Variants in PRKG1 observed in about 807,000 individuals in gnomAD.
PRKG1 encodes cGMP-dependent protein kinase 1.
Under a neutral mutation model 88.1 loss-of-function variants are expected in PRKG1, and 35 were observed. The observed-to-expected ratio is 0.40, with a 90% CI of 0.30 to 0.53. The LOEUF is 0.53. PRKG1 is among the 20% of genes least tolerant of loss of function. The pLI is 0.59. For missense variants in PRKG1, 540 were observed against 839.8 expected (o/e 0.64, Z 4.41); for synonymous variants, 303 against 292.5 (o/e 1.04, Z -0.37).
At chr10:52,196,206 C>A (rs766400975) in intron 9 of PRKG1, among the ~76,000 whole-genome samples, 4 of 151,872 alleles carry the variant, frequency 2.6e-5, no homozygotes, top group Admixed American at 6.6e-5. Context: ...TTAGTAGAGA[C>A]GGGGTTTCAC....
intron 3 of PRKG1, among the ~76,000 whole-genome samples, chr10:51,610,327 A>G (rs1838874302): frequency 1.3e-5 from 2 of 152,070 alleles, no homozygotes; most frequent in Admixed American, 1.3e-4. Context: ...CCATCATTCC[A>G]CTCACTACCT....
intron 6 of PRKG1, among the ~76,000 whole-genome samples, chr10:52,056,752 TATTA>T (rs966763106): frequency 2.0e-5 from 3 of 152,072 alleles, no homozygotes; most frequent in Admixed American, 2.0e-4. Context: ...ATAATAATTG[TATTA>T]ATTTTATTCA....
chr10:52,000,931 G>A (rs1844577878), intron 5 of PRKG1, among the ~76,000 whole-genome samples: 1 of 151,922 alleles, frequency 6.6e-6, no homozygotes, highest in Non-Finnish European at 1.5e-5. Flanking sequence ...TGAAATTTGA[G>A]CAACTCAAAA....
intron 2 of PRKG1, among the ~76,000 whole-genome samples, chr10:51,292,030 CT>C (rs932975813): frequency 1.3e-5 from 2 of 152,022 alleles, no homozygotes; most frequent in African/African-American, 4.8e-5. Flanking sequence ...GAGTCGATCT[CT>C]TTTTTTAGGG....
At chr10:51,104,598 C>T (rs1844773971) in intron 1 of PRKG1, among the ~76,000 whole-genome samples, 1 of 152,124 alleles carries the variant, frequency 6.6e-6, no homozygotes, top group Non-Finnish European at 1.5e-5. Flanking sequence ...CTGCTCACTG[C>T]CACCTCCACC....
chr10:51,306,278 T>G (rs1841034711), intron 2 of PRKG1, among the ~76,000 whole-genome samples: 1 of 152,186 alleles, frequency 6.6e-6, no homozygotes, highest in African/African-American at 2.4e-5. Context: ...ATTTGGGGCT[T>G]CTTTTTGAAA....
intron 2 of PRKG1, chr10:51,302,595 A>G (rs1260701094): frequency 1.3e-5 from 2 of 150,270 alleles, no homozygotes; most frequent in Non-Finnish European, 2.9e-5. Context: ...TATAACTGCT[A>G]CCAAAACCAG....
chr10:51,108,325 TG>T (rs1341268973), intron 1 of PRKG1, among the ~76,000 whole-genome samples: 1 of 151,550 alleles, frequency 6.6e-6, no homozygotes, highest in Non-Finnish European at 1.5e-5. Context: ...AGATGCTTCA[TG>T]AACATAAAAT....
chr10:51,548,909 C>T (rs1465696075), intron 3 of PRKG1, among the ~76,000 whole-genome samples: 1 of 151,880 alleles, frequency 6.6e-6, no homozygotes, highest in Non-Finnish European at 1.5e-5. Flanking sequence ...AACACCTTCC[C>T]AAAATGTTCA....
Position 51,907,583 on chromosome 10 carries a change from A to T in PRKG1, c.762+13A>T, listed in dbSNP as rs775473387. 1 of 1,610,794 alleles carries T rather than the reference A, an allele frequency of 6.2e-7. No individual in the cohort carries two copies. Among genetic ancestry groups the T allele is most frequent in the Admixed American group, 1.7e-5 (1 of 59,958 alleles). ...TGTCCTTGAAGAGGTAATTGTTTTT[A>T]GCCTTTGAACTTTTTGAGATGGGAT... On this transcript the variant is annotated intron_variant, in intron 5 of 17. Transcript: ENST00000373980.
intron 5 of PRKG1, among the ~76,000 whole-genome samples, chr10:51,930,264 A>G (rs1419338619): frequency 6.6e-6 from 1 of 152,128 alleles, no homozygotes; most frequent in African/African-American, 2.4e-5. Context: ...TGTTTAATCA[A>G]TAGAGAGTTT....
chr10:52,113,747 CTTAA>C (rs1378544496), intron 7 of PRKG1, among the ~76,000 whole-genome samples: 1 of 152,030 alleles, frequency 6.6e-6, no homozygotes, highest in Non-Finnish European at 1.5e-5. Flanking sequence ...CACTAGGTAC[CTTAA>C]TTAAGATTAT....
At chr10:51,310,178 G>T (rs2132487287) in intron 2 of PRKG1, among the ~76,000 whole-genome samples, 1 of 152,072 alleles carries the variant, frequency 6.6e-6, no homozygotes, top group African/African-American at 2.4e-5. Context: ...ACTCTATAAG[G>T]CCAGACTTCA....
chr10:51,419,481 T>C (rs1033723805), intron 2 of PRKG1, among the ~76,000 whole-genome samples: 2 of 152,028 alleles, frequency 1.3e-5, no homozygotes, highest in African/African-American at 2.4e-5. Context: ...CTGGATGGGA[T>C]TGGGGCTAAT....
At chr10:51,115,384 T>TATATATATATATATATATATATATAA (rs1564606010) in intron 1 of PRKG1, among the ~76,000 whole-genome samples, 2 of 80,814 alleles carry the variant, frequency 2.5e-5, no homozygotes, top group African/African-American at 7.2e-5. Flanking sequence ...TATATATATA[T>TATATATATATATATATATATATATAA]AAAACAAATG....
chr10:52,031,028 A>G (rs1440383773), intron 5 of PRKG1, among the ~76,000 whole-genome samples: 3 of 152,184 alleles, frequency 2.0e-5, no homozygotes, highest in Non-Finnish European at 4.4e-5. Context: ...AGGTGATGTC[A>G]CTAACTCAGA....
chr10:51,968,022 G>C (rs1306404112), intron 5 of PRKG1, among the ~76,000 whole-genome samples: 1 of 152,176 alleles, frequency 6.6e-6, no homozygotes, highest in Non-Finnish European at 1.5e-5. Flanking sequence ...TAGAGCTTAA[G>C]ACAGTGTTTA....
intron 4 of PRKG1, among the ~76,000 whole-genome samples, chr10:51,862,955 A>G (rs1029730042): frequency 6.6e-6 from 1 of 152,226 alleles, no homozygotes; most frequent in African/African-American, 2.4e-5. Context: ...TATTACTGAT[A>G]GCACATAAAT....
chr10:51,308,651 T>C (rs1261638834), intron 2 of PRKG1, among the ~76,000 whole-genome samples: 1 of 152,178 alleles, frequency 6.6e-6, no homozygotes, highest in Non-Finnish European at 1.5e-5. Flanking sequence ...ATGTGAGATA[T>C]TTTATCAGAA....
Sources: allele counts gnomAD v4.1 joint callset (sites outside exome capture counted in the v4.1 genomes callset), GRCh38; gene constraint gnomAD v4.1.1; transcripts MANE v1.5; gene names NCBI Gene and HGNC (gene_info 2026-07-23, HGNC 2026-07-21).